The following MITF variants were observed in gnomAD, a reference collection of about 807,000 sequenced individuals.
MITF encodes the protein melanocyte inducing transcription factor.
MITF carries 17 observed loss-of-function variants against 60.5 expected under a neutral mutation model. The ratio of observed to expected loss-of-function variants is 0.28; its 90% CI spans 0.19 to 0.42. The LOEUF (loss-of-function observed/expected upper bound fraction) is 0.42, where lower values mean the gene tolerates loss of function less well. Ranked by LOEUF, MITF falls within the 10% of genes least tolerant of loss-of-function variation. The pLI, the probability that MITF is intolerant of heterozygous loss-of-function variation, is 1.00. For missense variants in MITF, 622 were observed against 683.5 expected (o/e 0.91, Z 1.00); for synonymous variants, 260 against 248.5 (o/e 1.05, Z -0.43).
At chr3:69,922,874 A>G (rs1292585392) in intron 2 of MITF, among the ~76,000 whole-genome samples, 2 of 152,170 alleles carry the variant, frequency 1.3e-5, no homozygotes, top group Non-Finnish European at 2.9e-5. Context: ...CCCTTAAATT[A>G]GTCAAAGTCC....
chr3:69,839,350 A>G (rs940595106), intron 1 of MITF, among the ~76,000 whole-genome samples: 1 of 151,090 alleles, frequency 6.6e-6, no homozygotes, highest in African/African-American at 2.4e-5. Flanking sequence ...TTCATTAACT[A>G]TAGTATGAGG....
rs148158129 is a variant in MITF, at chr3:69,802,444, A to T, written c.104+62743A>T. 1.1e-3 allele frequency among the ~76,000 whole-genome samples: 171 copies of T among 152,214 alleles called. 1 individual carries two copies. Among genetic ancestry groups the T allele is most frequent in the Non-Finnish European group, 2.0e-3 (136 of 68,006 alleles). ...TCCTTCATGAAAATCCAGGGAGTGA[A>T]ATAAAGTTAGTTTTTGGCAAGTCCC... On this transcript the variant is annotated intron_variant, in intron 1 of 9. Transcript: ENST00000352241.
intron 1 of MITF, among the ~76,000 whole-genome samples, chr3:69,850,935 C>T (rs536894530): frequency 6.6e-6 from 1 of 152,268 alleles, no homozygotes; most frequent in Admixed American, 6.5e-5. Context: ...GTGCTGGGCC[C>T]ATCACTTGCC....
intron 1 of MITF, among the ~76,000 whole-genome samples, chr3:69,741,875 T>C (rs1383054863): frequency 6.6e-6 from 1 of 152,220 alleles, no homozygotes; most frequent in Admixed American, 6.5e-5. Flanking sequence ...TTCTCTCTCA[T>C]TGCTTTTTGT....
chr3:69,766,043 G>C (rs188283986), intron 1 of MITF, among the ~76,000 whole-genome samples: 2 of 152,228 alleles, frequency 1.3e-5, no homozygotes, highest in Admixed American at 1.3e-4. Flanking sequence ...TTAAAAAGAG[G>C]TTTTATGTTT....
At chr3:69,944,097 A>G (rs2066035446) in intron 5 of MITF, among the ~76,000 whole-genome samples, 1 of 152,166 alleles carries the variant, frequency 6.6e-6, no homozygotes, top group Non-Finnish European at 1.5e-5. Flanking sequence ...CTGTTTTTAG[A>G]AAACACATTT....
At chr3:69,820,159 C>T (rs959763199) in intron 1 of MITF, among the ~76,000 whole-genome samples, 1 of 152,118 alleles carries the variant, frequency 6.6e-6, no homozygotes. Context: ...AATATAGATT[C>T]GTTTTGAATT....
At chr3:69,791,150 T>C (rs2062733767) in intron 1 of MITF, among the ~76,000 whole-genome samples, 1 of 152,222 alleles carries the variant, frequency 6.6e-6, no homozygotes, top group Admixed American at 6.5e-5. Flanking sequence ...GTTCTAAATA[T>C]AGATGTGTTA....
intron 1 of MITF, among the ~76,000 whole-genome samples, chr3:69,773,908 A>G (rs1472663985): frequency 6.6e-6 from 1 of 152,232 alleles, no homozygotes; most frequent in Admixed American, 6.5e-5. Flanking sequence ...CAGTTGGGAT[A>G]CAGTGATAAA....
chr3:69,823,033 C>T (rs1263090399), intron 1 of MITF, among the ~76,000 whole-genome samples: 1 of 152,024 alleles, frequency 6.6e-6, no homozygotes, highest in Non-Finnish European at 1.5e-5. Context: ...TGCATGCCAC[C>T]ACGCCTGGCT....
intron 1 of MITF, among the ~76,000 whole-genome samples, chr3:69,828,119 T>TA (rs2063386247): frequency 4.8e-5 from 2 of 41,272 alleles, no homozygotes; most frequent in Non-Finnish European, 2.2e-4. Context: ...CAGTCAGTAT[T>TA]GACACCATGT....
At chr3:69,829,393 T>A (rs1458033383) in intron 1 of MITF, among the ~76,000 whole-genome samples, 3 of 152,202 alleles carry the variant, frequency 2.0e-5, no homozygotes, top group Admixed American at 6.5e-5. Context: ...TTAAAATTCA[T>A]GTCCCCTAAC....
At chr3:69,900,591 G>T (rs926136233) in intron 2 of MITF, among the ~76,000 whole-genome samples, 3 of 152,140 alleles carry the variant, frequency 2.0e-5, no homozygotes, top group Non-Finnish European at 4.4e-5. Flanking sequence ...GACAAAACCT[G>T]ATAGAACAGG....
At chr3:69,822,663 A>G (rs2063293869) in intron 1 of MITF, among the ~76,000 whole-genome samples, 1 of 152,204 alleles carries the variant, frequency 6.6e-6, no homozygotes, top group Admixed American at 6.5e-5. Context: ...AATAACAGCA[A>G]TTTCTGTGCT....
intron 2 of MITF, among the ~76,000 whole-genome samples, chr3:69,918,295 G>T (rs534134320): frequency 6.6e-6 from 1 of 152,218 alleles, no homozygotes; most frequent in African/African-American, 2.4e-5. Context: ...TGATCTGCCT[G>T]CCTCAGCCTC....
At chr3:69,868,899 CAAAA>C (rs75440769) in intron 1 of MITF, among the ~76,000 whole-genome samples, 2 of 77,202 alleles carry the variant, frequency 2.6e-5, no homozygotes, top group Non-Finnish European at 2.9e-5. Flanking sequence ...GACTCCATCT[CAAAA>C]AAAAAAAAAA....
chr3:69,963,659 G>A (rs997763927), intron 9 of MITF, among the ~76,000 whole-genome samples: 4 of 152,066 alleles, frequency 2.6e-5, no homozygotes, highest in East Asian at 1.9e-4. Flanking sequence ...TCACCCCATC[G>A]CCCTTGTTTC....
chr3:69,775,294 A>G (rs2062456152), intron 1 of MITF, among the ~76,000 whole-genome samples: 2 of 152,090 alleles, frequency 1.3e-5, no homozygotes, highest in Admixed American at 1.3e-4. Context: ...GCAGTGTATG[A>G]CTCCATAAGT....
chr3:69,837,726 C>G (rs1447157612), intron 1 of MITF, among the ~76,000 whole-genome samples: 5 of 152,164 alleles, frequency 3.3e-5, no homozygotes, highest in Non-Finnish European at 7.3e-5. Context: ...TGACACAAGG[C>G]TATTTATAGT....
Sources: allele counts gnomAD v4.1 joint callset (sites outside exome capture counted in the v4.1 genomes callset), GRCh38; gene constraint gnomAD v4.1.1; transcripts MANE v1.5; gene names NCBI Gene and HGNC (gene_info 2026-07-23, HGNC 2026-07-21).